Variants in LIN9 observed in about 807,000 individuals in gnomAD.
The protein encoded by LIN9 is protein lin-9 homolog.
Under a neutral mutation model 78.0 loss-of-function variants are expected in LIN9, and 18 were observed. The ratio of observed to expected loss-of-function variants is 0.23; its 90% CI spans 0.16 to 0.34. LIN9 has a LOEUF of 0.34. Ranked by LOEUF, LIN9 falls within the 10% of genes least tolerant of loss-of-function variation. The pLI is 1.00. For missense variants in LIN9, 451 were observed against 644.1 expected (o/e 0.70, Z 3.25); for synonymous variants, 192 against 215.2 (o/e 0.89, Z 0.94).
intron 11 of LIN9, among the ~76,000 whole-genome samples, chr1:226,242,197 G>A (rs1237988269): frequency 6.6e-6 from 1 of 152,154 alleles, no homozygotes; most frequent in African/African-American, 2.4e-5. Flanking sequence ...TATTGACATG[G>A]GAGACAAATA....
At chr1:226,235,625 A>ATT (rs1010063328) in intron 12 of LIN9, among the ~76,000 whole-genome samples, 21 of 152,168 alleles carry the variant, frequency 1.4e-4, no homozygotes, top group Middle Eastern at 3.2e-3. Flanking sequence ...GGCACTCAAA[A>ATT]AATTTTGGAC....
intron 10 of LIN9, among the ~76,000 whole-genome samples, chr1:226,258,747 C>T (rs573173879): frequency 7.3e-4 from 110 of 150,742 alleles, no homozygotes; most frequent in Non-Finnish European, 1.4e-3. Context: ...AAAAATTAGC[C>T]GGGCATGGTG....
In LIN9 at chr1:226,251,229, A is replaced by ATT. The variant is rs398050141; in HGVS notation, c.1039-312_1039-311dup. 3.5e-3 allele frequency among the ~76,000 whole-genome samples: 461 copies of ATT among 132,446 alleles called. 3 individuals are homozygous for ATT. The highest frequency in any genetic ancestry group is 0.011 in the African/African-American group (398 of 35,478). The allele number at this position is 132,446 out of a possible 152,430, so 86.9% of individuals were successfully genotyped here. ...CAACCATGCCTGACTAATTTTTGTAATTTTTTTTTTTTTTTGGAGACGGAG... is the reference window on the plus strand; with the variant it reads ...CAACCATGCCTGACTAATTTTTGTAATTTTTTTTTTTTTTTTTGGAGACGGAG... On this transcript the variant is annotated intron_variant, in intron 10 of 14. Coordinates refer to ENST00000681046, the MANE Select transcript of LIN9 (RefSeq NM_001366245.2).
intron 7 of LIN9, 133 bp downstream of exon 7, chr1:226,277,642 G>T: frequency 1.3e-6 from 1 of 771,806 alleles, no homozygotes; most frequent in South Asian, 1.9e-5. Context: ...GGGATAGGGT[G>T]AGGGTTAACG....
At chr1:226,277,345 C>T (rs1660733766) in intron 7 of LIN9, among the ~76,000 whole-genome samples, 1 of 152,006 alleles carries the variant, frequency 6.6e-6, no homozygotes, top group Admixed American at 6.5e-5. Context: ...AACCAATACA[C>T]TTTTTCCCAA....
Position 226,309,130 on chromosome 1 carries a change from G to C in LIN9, c.10C>G (p.Leu4Val). ...TCACTCTCGTCAGGCAACTGGTCGA[G>C]CTCCGCCATCTTGAACGAGCCGCGC... MAE[L>V]DQLPDESSSA... Residue 4 changes from leucine to valine, a missense_variant, in exon 1 of 15, where the codon CTC (leucine) becomes GTC (valine). Leu to Val is a conservative substitution (Grantham distance 32). Coordinates refer to ENST00000681046, the MANE Select transcript of LIN9 (RefSeq NM_001366245.2). 1 of 1,346,534 alleles carries C rather than the reference G, an allele frequency of 7.4e-7. No homozygotes were observed. Among genetic ancestry groups the C allele is most frequent in the Non-Finnish European group, 9.6e-7 (1 of 1,036,312 alleles). 83.4% of individuals were successfully genotyped at this position (1,346,534 alleles called of 1,614,324 possible).
At chr1:226,274,734 C>T (rs892595007) in intron 7 of LIN9, among the ~76,000 whole-genome samples, 9 of 151,612 alleles carry the variant, frequency 5.9e-5, no homozygotes, top group Non-Finnish European at 1.2e-4. Flanking sequence ...TCAAGTTCAC[C>T]GACCCAGTCT....
In LIN9 at chr1:226,275,691, C is replaced by CAAAAAAAAA. The variant is rs1315376373; in HGVS notation, c.682+2083_682+2084insTTTTTTTTT. ...CTGGCAACAGAGCAAGACTCCGTCT[C>CAAAAAAAAA]AGAAAAAAAAAAAAAAAAAAAGAAA... On this transcript the variant is annotated intron_variant, in intron 7 of 14. Coordinates refer to ENST00000681046, the MANE Select transcript of LIN9 (RefSeq NM_001366245.2). 9.7e-4 allele frequency among the ~76,000 whole-genome samples: 42 copies of CAAAAAAAAA among 43,252 alleles called. 1 individual carries two copies. Among genetic ancestry groups the CAAAAAAAAA allele is most frequent in the East Asian group, 2.0e-3 (3 of 1,488 alleles). 28.4% of individuals were successfully genotyped at this position (43,252 alleles called of 152,430 possible). A position where few individuals can be genotyped will look rare whatever the true frequency, so the allele number is the denominator to read the frequency against.
chr1:226,262,142 C>A (rs997702489), intron 10 of LIN9, among the ~76,000 whole-genome samples: 1 of 152,098 alleles, frequency 6.6e-6, no homozygotes, highest in Non-Finnish European at 1.5e-5. Flanking sequence ...GAATCACAAA[C>A]ATAGATGTAA....
At chr1:226,252,318 A>AAATGAATGAATG (rs57329585) in intron 10 of LIN9, among the ~76,000 whole-genome samples, 3 of 135,920 alleles carry the variant, frequency 2.2e-5, no homozygotes, top group Non-Finnish European at 3.1e-5. Flanking sequence ...ATAAATAAAT[A>AAATGAATGAATG]AATGAATGAA....
At chr1:226,233,316 T>G (rs1465238462) in intron 13 of LIN9, 28 bp downstream of exon 13, 5 of 1,583,318 alleles carry the variant, frequency 3.2e-6, no homozygotes, top group Admixed American at 3.6e-5. Flanking sequence ...TTGTGTCAAA[T>G]TAAGAAAATA....
intron 1 of LIN9, 59 bp downstream of exon 1, chr1:226,309,050 G>A (rs371262414): frequency 2.3e-6 from 3 of 1,299,586 alleles, no homozygotes; most frequent in Admixed American, 6.2e-5. Context: ...CCCGGCCGGT[G>A]CAACCGCTGG....
Position 226,268,040 on chromosome 1 carries a change from C to T in LIN9, c.733G>A (p.Val245Met). The T allele has an allele frequency of 1.2e-6, 2 of 1,614,034 alleles. No individual in the cohort carries two copies. The highest frequency in any genetic ancestry group is 1.7e-6 in the Non-Finnish European group (2 of 1,179,934). ...DGLFTGQIDA[V>M]DTLNATYRVT... The stretch of plus-strand genomic sequence containing the variant: ...CTATAAGTAGCATTAAGAGTATCCA[C>T]AGCATCTATTTGTCCAGTGAACAAA... The change falls in exon 8 of 15, where the codon GTG (valine) becomes ATG (methionine). Residue 245 changes from valine to methionine, a missense_variant. Val to Met is a conservative substitution (Grantham distance 21, BLOSUM62 1). Coordinates refer to ENST00000681046, the MANE Select transcript of LIN9 (RefSeq NM_001366245.2).
At chr1:226,244,235 A>T (rs1658312370) in intron 11 of LIN9, among the ~76,000 whole-genome samples, 1 of 143,492 alleles carries the variant, frequency 7.0e-6, no homozygotes, top group South Asian at 2.6e-4. Context: ...GTTAAAGACT[A>T]GCCTGGCCAA....
chr1:226,246,128 T>C (rs1576285455), intron 11 of LIN9, among the ~76,000 whole-genome samples: 1 of 152,354 alleles, frequency 6.6e-6, no homozygotes, highest in Non-Finnish European at 1.5e-5. Flanking sequence ...TGTTTCTTCA[T>C]TCCCTGAATC....
At chr1:226,261,774 A>G (rs141480184) in intron 10 of LIN9, among the ~76,000 whole-genome samples, 7 of 152,348 alleles carry the variant, frequency 4.6e-5, no homozygotes, top group Non-Finnish European at 1.0e-4. Context: ...AAATGATTCT[A>G]AAGTCTATAT....
chr1:226,262,676 A>C (rs1450093097), intron 10 of LIN9, among the ~76,000 whole-genome samples: 1 of 152,244 alleles, frequency 6.6e-6, no homozygotes, highest in Non-Finnish European at 1.5e-5. Context: ...AATCCCATTC[A>C]CTGCTGCTGG....
At chr1:226,242,170 G>A (rs1658158170) in intron 11 of LIN9, among the ~76,000 whole-genome samples, 1 of 152,216 alleles carries the variant, frequency 6.6e-6, no homozygotes. Flanking sequence ...TGTACTGGTA[G>A]TTATCAAACA....
chr1:226,258,720 C>T (rs1324229811), intron 10 of LIN9, among the ~76,000 whole-genome samples: 2 of 150,934 alleles, frequency 1.3e-5, no homozygotes, highest in Non-Finnish European at 2.9e-5. Context: ...GAAACCCCGT[C>T]TCTACTAAAA....
Sources: allele counts gnomAD v4.1 joint callset (sites outside exome capture counted in the v4.1 genomes callset), GRCh38; gene constraint gnomAD v4.1.1; transcripts MANE v1.5; gene names NCBI Gene and HGNC (gene_info 2026-07-23, HGNC 2026-07-21).